The following ABTB3 variants were observed in gnomAD, a reference collection of about 807,000 sequenced individuals.
The protein encoded by ABTB3 is ankyrin repeat and BTB domain containing 3.
At chr12:107,441,991 G>T in the ABTB3 span, among the ~76,000 whole-genome samples, 1 of 152,084 alleles carries the variant, frequency 6.6e-6, no homozygotes, top group African/African-American at 2.4e-5. Flanking sequence ...GGTATCTGGG[G>T]TATGTGCTTA....
chr12:107,573,324 G>A, the ABTB3 span, among the ~76,000 whole-genome samples: 2 of 152,240 alleles, frequency 1.3e-5, no homozygotes, highest in Admixed American at 6.5e-5. Flanking sequence ...CATTGCAGAT[G>A]TGTGTCAGTC....
At chr12:107,610,183 T>G in the ABTB3 span, 1 of 1,614,132 alleles carries the variant, frequency 6.2e-7, no homozygotes, top group Non-Finnish European at 8.5e-7. Context: ...TCTCTTCCCT[T>G]CCTTAGGGCC....
chr12:107,557,852 G>T, the ABTB3 span, among the ~76,000 whole-genome samples: 6 of 152,312 alleles, frequency 3.9e-5, no homozygotes, highest in Non-Finnish European at 7.3e-5. Flanking sequence ...GGCCCAGCAG[G>T]CTGGCTCCAG....
At chr12:107,365,916 G>T in the ABTB3 span, among the ~76,000 whole-genome samples, 1 of 152,172 alleles carries the variant, frequency 6.6e-6, no homozygotes, top group African/African-American at 2.4e-5. Flanking sequence ...ATCAGAAACC[G>T]CCTCACACTG....
the ABTB3 span, among the ~76,000 whole-genome samples, chr12:107,483,133 T>C: frequency 6.6e-6 from 1 of 151,886 alleles, no homozygotes; most frequent in Non-Finnish European, 1.5e-5. Context: ...GCTTGAGTGA[T>C]CCTCCCATCT....
the ABTB3 span, among the ~76,000 whole-genome samples, chr12:107,361,102 T>C: frequency 6.6e-6 from 1 of 152,024 alleles, no homozygotes; most frequent in South Asian, 2.1e-4. Context: ...ACCTGGCTTT[T>C]TGAGAAATAA....
chr12:107,329,687 A>G, the ABTB3 span, among the ~76,000 whole-genome samples: 1 of 152,206 alleles, frequency 6.6e-6, no homozygotes, highest in Non-Finnish European at 1.5e-5. Flanking sequence ...CCTTTGTTAC[A>G]TGAGAGTAAT....
At chr12:107,590,911 G>A in the ABTB3 span, among the ~76,000 whole-genome samples, 19 of 152,094 alleles carry the variant, frequency 1.2e-4, no homozygotes, top group African/African-American at 4.6e-4. Flanking sequence ...ATTTCCTCAG[G>A]CCAGCAAAGC....
chr12:107,604,356 A>G, the ABTB3 span, among the ~76,000 whole-genome samples: 3 of 152,146 alleles, frequency 2.0e-5, no homozygotes, highest in African/African-American at 7.2e-5. Flanking sequence ...CTGAGGCATG[A>G]GAGTCACTTG....
the ABTB3 span, among the ~76,000 whole-genome samples, chr12:107,334,457 CGAG>C: frequency 6.6e-6 from 1 of 152,122 alleles, no homozygotes; most frequent in South Asian, 2.1e-4. Flanking sequence ...GTTTGAACAA[CGAG>C]GAGGAGTTGT....
the ABTB3 span, among the ~76,000 whole-genome samples, chr12:107,621,650 GAT>G: frequency 1.3e-5 from 2 of 152,164 alleles, no homozygotes; most frequent in Non-Finnish European, 2.9e-5. Context: ...ATTTTCATAA[GAT>G]AGACAAACTG....
the ABTB3 span, chr12:107,620,303 A>C: frequency 9.2e-7 from 1 of 1,091,656 alleles, no homozygotes; most frequent in Non-Finnish European, 1.3e-6. Flanking sequence ...AATGTAGCCC[A>C]GCAGACGAAA....
At chr12:107,510,455 T>C in the ABTB3 span, among the ~76,000 whole-genome samples, 1 of 152,010 alleles carries the variant, frequency 6.6e-6, no homozygotes, top group Non-Finnish European at 1.5e-5. Context: ...CACAGGGAAG[T>C]AAACCTTTGG....
the ABTB3 span, among the ~76,000 whole-genome samples, chr12:107,502,077 T>A: frequency 6.6e-6 from 1 of 151,652 alleles, no homozygotes; most frequent in African/African-American, 2.4e-5. Flanking sequence ...CTTTTTTTTT[T>A]TTTTTGAGAT....
At chr12:107,339,310 G>A in the ABTB3 span, among the ~76,000 whole-genome samples, 4 of 152,216 alleles carry the variant, frequency 2.6e-5, no homozygotes, top group East Asian at 5.8e-4. Flanking sequence ...AATCTGTTCC[G>A]CACCCACCCA....
chr12:107,349,348 T>G, the ABTB3 span, among the ~76,000 whole-genome samples: 22 of 152,342 alleles, frequency 1.4e-4, no homozygotes, highest in East Asian at 3.9e-3. Context: ...GTGAGCAATT[T>G]CACTAATAAG....
At chr12:107,444,891 G>C in the ABTB3 span, among the ~76,000 whole-genome samples, 1 of 152,168 alleles carries the variant, frequency 6.6e-6, no homozygotes, top group African/African-American at 2.4e-5. Flanking sequence ...TCAGAGGCTG[G>C]GAGGGTAGGG....
the ABTB3 span, among the ~76,000 whole-genome samples, chr12:107,465,194 CA>C: frequency 1.2e-4 from 18 of 152,244 alleles, no homozygotes; most frequent in East Asian, 3.5e-3. Flanking sequence ...TCAGGCAGAG[CA>C]TGCCGTCTGC....
At chr12:107,444,522 T>G in the ABTB3 span, among the ~76,000 whole-genome samples, 1 of 152,244 alleles carries the variant, frequency 6.6e-6, no homozygotes, top group East Asian at 1.9e-4. Flanking sequence ...ATGAAGAGAA[T>G]GCTCTCCAAG....
Sources: allele counts gnomAD v4.1 joint callset (sites outside exome capture counted in the v4.1 genomes callset), GRCh38; gene constraint gnomAD v4.1.1; transcripts MANE v1.5; gene names NCBI Gene and HGNC (gene_info 2026-07-23, HGNC 2026-07-21).